Variants in LPIN1 observed in about 807,000 individuals in gnomAD.
LPIN1 encodes the protein phosphatidate phosphatase LPIN1.
LPIN1 carries 71 observed loss-of-function variants against 107.5 expected under a neutral mutation model. The observed-to-expected ratio is 0.66, with a 90% CI of 0.55 to 0.80. LPIN1 has a LOEUF of 0.80. Among genes scored for constraint, LPIN1 ranks in the 30% least tolerant of loss-of-function variants. The probability of loss-of-function intolerance (pLI) is 0.00; values close to 1 mark genes in which losing one functional copy is unlikely to be tolerated. For synonymous variants in LPIN1, 445 were observed against 452.6 expected (o/e 0.98, Z 0.21); for missense variants, 1,043 against 1,160.6 (o/e 0.90, Z 1.47).
At chr2:11,759,838 G>T (rs1371704842) in intron 1 of LPIN1, among the ~76,000 whole-genome samples, 1 of 143,602 alleles carries the variant, frequency 7.0e-6, no homozygotes, top group East Asian at 2.2e-4. Flanking sequence ...CCTCCCGGAC[G>T]GGGCGGCTGG....
chr2:11,748,298 T>G (rs912419082), intron 1 of LPIN1, among the ~76,000 whole-genome samples: 17 of 152,176 alleles, frequency 1.1e-4, no homozygotes, highest in Admixed American at 3.3e-4. Context: ...GATGAAAAGA[T>G]ATTTCAGAAG....
intron 17 of LPIN1, among the ~76,000 whole-genome samples, chr2:11,813,409 G>A (rs913924383): frequency 2.6e-5 from 4 of 151,562 alleles, no homozygotes; most frequent in African/African-American, 9.7e-5. Context: ...CTTTAATGTC[G>A]AAAATGCAAA....
intron 1 of LPIN1, among the ~76,000 whole-genome samples, chr2:11,731,409 C>G (rs879167691): frequency 6.6e-6 from 1 of 152,184 alleles, no homozygotes; most frequent in Non-Finnish European, 1.5e-5. Context: ...TGAGCTCATT[C>G]TTTTTCATGG....
At chr2:11,743,690 C>T (rs984270686), upstream of LPIN1, among the ~76,000 whole-genome samples, 3 of 152,150 alleles carry the variant, frequency 2.0e-5, no homozygotes, top group Non-Finnish European at 2.9e-5. This position sits in a 1 kb window ranked among gnomAD's most constrained non-coding sequence, Gnocchi z 4.7. Flanking sequence ...ATTCATTGTC[C>T]TCTCTTTGGG....
intron 18 of LPIN1, chr2:11,816,423 G>C (rs1573005341): frequency 6.6e-6 from 1 of 152,346 alleles, no homozygotes; most frequent in African/African-American, 2.4e-5. Context: ...GTAAGGCTTT[G>C]CTAGGCCAAG....
intron 2 of LPIN1, among the ~76,000 whole-genome samples, chr2:11,718,180 CA>C (rs1663878474): frequency 6.6e-6 from 1 of 152,092 alleles, no homozygotes. Flanking sequence ...TTACAATAAG[CA>C]AAAGCTGGAG....
intron 3 of LPIN1, among the ~76,000 whole-genome samples, chr2:11,768,797 G>A (rs537138300): frequency 6.6e-6 from 1 of 152,118 alleles, no homozygotes; most frequent in South Asian, 2.1e-4. Context: ...TTAGCTGGGC[G>A]TGGTGGCGGG....
Position 11,702,132 on chromosome 2 carries a change from G to A in LPIN1, c.82-11624G>A, listed in dbSNP as rs568184103. 1.1e-3 allele frequency among the ~76,000 whole-genome samples: 166 copies of A among 152,310 alleles called. 2 individuals carry two copies. Among genetic ancestry groups the A allele is most frequent in the African/African-American group, 3.7e-3 (154 of 41,566 alleles). On this transcript the variant is annotated intron_variant, in intron 1 of 21. Coordinates refer to the LPIN1 transcript ENST00000449576. Reference sequence around the variant, plus strand: ...ACGGGTCCCTAAAGACAGGAGGCACGCCACGTCACACAAGGCCACATGGGG... The same window carrying A: ...ACGGGTCCCTAAAGACAGGAGGCACACCACGTCACACAAGGCCACATGGGG...
At position 11,804,782 on chromosome 2, in the gene LPIN1, G is replaced by T. The variant is rs138075283; in HGVS notation, c.2162+211G>T. ...CCTTCTGGGGTATTATTATCTCTTC[G>T]ACTTGGTTGCTTCTGTGGGGGCTTC... On this transcript the variant is annotated intron_variant, in intron 16 of 20. Transcript: ENST00000674199. Among the ~76,000 whole-genome samples, 566 of 152,146 alleles carry T rather than the reference G, an allele frequency of 3.7e-3. 3 individuals are homozygous for T. Among genetic ancestry groups the T allele is most frequent in the Admixed American group, 4.9e-3 (75 of 15,286 alleles).
chr2:11,757,358 G>A (rs1275239920), intron 1 of LPIN1, among the ~76,000 whole-genome samples: 1 of 152,178 alleles, frequency 6.6e-6, no homozygotes, highest in Non-Finnish European at 1.5e-5. Flanking sequence ...TGACACCAAA[G>A]ACAGTCATGA....
intron 13 of LPIN1, 121 bp from the exon 14 acceptor site, chr2:11,795,287 T>A: frequency 4.9e-6 from 4 of 809,396 alleles, no homozygotes; most frequent in Non-Finnish European, 8.6e-6. Context: ...AGGGTGGGCG[T>A]CATTGGGGAA....
intron 1 of LPIN1, among the ~76,000 whole-genome samples, chr2:11,735,607 C>T (rs1411759263): frequency 2.0e-5 from 3 of 152,074 alleles, no homozygotes; most frequent in Non-Finnish European, 4.4e-5. Flanking sequence ...TGGACATTGT[C>T]GAATAGGGGA....
intron 13 of LPIN1, among the ~76,000 whole-genome samples, chr2:11,794,509 A>T (rs1222184737): frequency 6.6e-6 from 1 of 152,218 alleles, no homozygotes; most frequent in Non-Finnish European, 1.5e-5. Flanking sequence ...GTGTGGTAAT[A>T]AAAAAACCTA....
At chr2:11,713,575 A>C (rs1663540899) in intron 1 of LPIN1, among the ~76,000 whole-genome samples, 1 of 152,012 alleles carries the variant, frequency 6.6e-6, no homozygotes, top group East Asian at 1.9e-4. Flanking sequence ...CCGGTCACAC[A>C]TTCTTCTTCT....
rs1020937426 is a variant in LPIN1 at position 11,697,498 on chromosome 2, C to T, written c.82-16258C>T. 3.3e-5 allele frequency among the ~76,000 whole-genome samples: 5 copies of T among 152,260 alleles called. No homozygotes were observed. The highest frequency in any genetic ancestry group is 1.2e-4 in the African/African-American group (5 of 41,476). On this transcript the variant is annotated intron_variant, in intron 1 of 21. Coordinates refer to the LPIN1 transcript ENST00000449576. This position sits in a 1 kb window ranked among gnomAD's most constrained non-coding sequence, Gnocchi z 4.6. Reference sequence around the variant, plus strand: ...CTAGAAGCTGGAAGTCTGCCCGAATCTGTGCGTCGTGTCTTGGGAATTCAT... The same window carrying T: ...CTAGAAGCTGGAAGTCTGCCCGAATTTGTGCGTCGTGTCTTGGGAATTCAT...
At chr2:11,810,563 G>A (rs1315565613) in intron 17 of LPIN1, among the ~76,000 whole-genome samples, 1 of 152,200 alleles carries the variant, frequency 6.6e-6, no homozygotes, top group Non-Finnish European at 1.5e-5. Context: ...TCTCAAGGTG[G>A]CTTGTGACCC....
chr2:11,687,252 G>A (rs372628268), intron 1 of LPIN1, among the ~76,000 whole-genome samples: 12 of 152,144 alleles, frequency 7.9e-5, no homozygotes, highest in East Asian at 3.9e-4. Context: ...CCCAAAGTGC[G>A]TGAGCCACTG....
chr2:11,755,048 C>T (rs575772184), intron 1 of LPIN1, among the ~76,000 whole-genome samples: 2 of 151,590 alleles, frequency 1.3e-5, no homozygotes, highest in African/African-American at 2.4e-5. Context: ...TCACTGCAAG[C>T]TCTGCCTCCC....
intron 1 of LPIN1, among the ~76,000 whole-genome samples, chr2:11,693,263 A>C (rs1369134428): frequency 6.8e-6 from 1 of 147,782 alleles, no homozygotes; most frequent in Non-Finnish European, 1.5e-5. Context: ...TCTGGCATTG[A>C]GCCTTGGGCA....
Sources: gnomAD v4.1 joint callset for allele counts (sites outside exome capture counted in the v4.1 genomes callset) on GRCh38, gnomAD v4.1.1 for gene constraint, Gnocchi (gnomAD v3.1) non-coding constraint, MANE v1.5 for transcripts, NCBI Gene and HGNC (gene_info 2026-07-23, HGNC 2026-07-21) for gene names.